The following NOC3L variants were observed in gnomAD, a reference collection of about 807,000 sequenced individuals.
NOC3L encodes nucleolar complex protein 3 homolog.
A neutral mutation model predicts 102.5 loss-of-function variants in NOC3L; 85 were observed. That is an observed-to-expected ratio of 0.83 (90% CI 0.70 to 0.99). The LOEUF (loss-of-function observed/expected upper bound fraction) is 0.99, where lower values mean the gene tolerates loss of function less well. Among genes scored for constraint, NOC3L ranks in the 50% least tolerant of loss-of-function variants. The pLI is 0.00. For synonymous variants in NOC3L, 303 were observed against 309.4 expected, an observed-to-expected ratio of 0.98 and a Z score of 0.22; for missense variants, 878 against 914.9, an observed-to-expected ratio of 0.96 and a Z score of 0.52.
chr10:94,337,689 G>T, intron 19 of NOC3L, 88 bp downstream of exon 19: 1 of 823,234 alleles, frequency 1.2e-6, no homozygotes, highest in Non-Finnish European at 2.0e-6. Flanking sequence ...ACATTTTGTA[G>T]TATGTTACTT....
At chr10:94,342,152 A>T (rs1284806853) in intron 13 of NOC3L, among the ~76,000 whole-genome samples, 1 of 152,206 alleles carries the variant, frequency 6.6e-6, no homozygotes, top group Non-Finnish European at 1.5e-5. Context: ...AGCTTTAAGG[A>T]TAAAATGGAA....
Position 94,362,855 on chromosome 10 carries a change from A to C in NOC3L, c.-17T>G, listed in dbSNP as rs1289336799. 1 of 1,614,010 alleles carries C rather than the reference A, an allele frequency of 6.2e-7. No homozygotes were observed. Among genetic ancestry groups the C allele is most frequent in the Non-Finnish European group, 8.5e-7 (1 of 1,180,036 alleles). On this transcript the variant is annotated 5_prime_UTR_variant, in exon 1 of 21. The change creates a new upstream start codon in the 5' untranslated region. Transcript: ENST00000371361. ...CGCCTTCATCCTTAGGCCTTAAATG[A>C]ATGCCGGCCAGACAAGTTCACCAGA...
intron 8 of NOC3L, among the ~76,000 whole-genome samples, chr10:94,351,793 A>C (rs2054422250): frequency 1.3e-5 from 2 of 151,486 alleles, no homozygotes; most frequent in African/African-American, 4.9e-5. Context: ...CTCCAAAAGC[A>C]CTGGGGTTAC....
At chr10:94,348,105 A>G (rs2054367445) in intron 10 of NOC3L, among the ~76,000 whole-genome samples, 1 of 150,138 alleles carries the variant, frequency 6.7e-6, no homozygotes, top group Non-Finnish European at 1.5e-5. Context: ...TGGCTGTCAG[A>G]TTATATCAAA....
chr10:94,328,348 G>C (rs1013618747), downstream of NOC3L: 2 of 157,426 alleles, frequency 1.3e-5, no homozygotes, highest in African/African-American at 2.4e-5. Context: ...ATACATGAAC[G>C]AACGTGGCTG....
chr10:94,352,361 G>A lies in NOC3L; in HGVS notation c.901C>T (p.Leu301=). 1 of 1,613,754 alleles carries A rather than the reference G, an allele frequency of 6.2e-7. No individual in the cohort carries two copies. Among genetic ancestry groups the A allele is most frequent in the South Asian group, 1.1e-5 (1 of 91,034 alleles). ...TQKLREFEEG[L]VSQYKFYLEN... is the part of the protein sequence containing the mutation. ...AAATAAAACTTGTATTGGCTAACCA[G>A]GCCTTCTTCAAATTCTCTTAACTTC... The change falls in exon 8 of 21, where the codon CTG becomes TTG. Residue 301 remains leucine, a synonymous_variant. Coordinates refer to ENST00000371361, the MANE Select transcript of NOC3L (RefSeq NM_022451.11).
At chr10:94,358,273 A>C (rs1278850015) in intron 2 of NOC3L, 58 bp from the exon 3 acceptor site, 7 of 940,136 alleles carry the variant, frequency 7.4e-6, no homozygotes, top group Non-Finnish European at 1.0e-5. Context: ...AGAGATGTAG[A>C]ACTCTCTGCA....
At chr10:94,325,170 A>C in the NOC3L span, 48 of 1,103,210 alleles carry the variant, frequency 4.4e-5, no homozygotes, top group Non-Finnish European at 6.1e-5. Flanking sequence ...AGGAAGGCAT[A>C]ATTAGTACAA....
intron 2 of NOC3L, chr10:94,361,383 G>A (rs1228123308): frequency 1.5e-5 from 6 of 399,638 alleles, no homozygotes; most frequent in East Asian, 4.6e-5. Flanking sequence ...TTTATGTAAC[G>A]GAGTACTTTC....
chr10:94,353,252 T>C (rs554853992), intron 6 of NOC3L, among the ~76,000 whole-genome samples, 195 bp from the exon 7 acceptor site: 24 of 152,318 alleles, frequency 1.6e-4, no homozygotes, highest in Non-Finnish European at 2.8e-4. Context: ...ATTGTATTAG[T>C]CCGTTCTTGT....
chr10:94,315,490 A>G, the NOC3L span: 1 of 455,918 alleles, frequency 2.2e-6, no homozygotes, highest in Admixed American at 2.4e-5. Context: ...GAGAAAATAC[A>G]TTGGTAAAAC....
downstream of NOC3L, chr10:94,332,342 AT>A (rs2054169658): frequency 6.6e-6 from 1 of 152,196 alleles, no homozygotes; most frequent in African/African-American, 2.4e-5. Context: ...TATGTGGATG[AT>A]TTGACTCAGC....
At chr10:94,316,869 ATTC>A in the NOC3L span, 2 of 760,826 alleles carry the variant, frequency 2.6e-6, no homozygotes, top group South Asian at 1.5e-5. Flanking sequence ...CTTGGTTTAT[ATTC>A]TTCTTAAGTA....
chr10:94,329,835 G>T (rs1405705576), downstream of NOC3L: 3 of 122,224 alleles, frequency 2.5e-5, no homozygotes, highest in African/African-American at 6.1e-5. Flanking sequence ...TCATGTCATT[G>T]AAAGTTCTTA....
Position 94,344,466 on chromosome 10 carries a change from T to C in NOC3L, c.1520A>G (p.Lys507Arg). 6.2e-7 allele frequency: 1 copy of C among 1,613,920 alleles called. No individual in the cohort carries two copies. The highest frequency in any genetic ancestry group is 2.2e-5 in the East Asian group (1 of 44,878). The change falls in exon 13 of 21, where the codon AAG becomes AGG. Residue 507 changes from lysine to arginine, a missense_variant. Lys to Arg is a conservative substitution (Grantham distance 26, BLOSUM62 2). Coordinates refer to ENST00000371361, the MANE Select transcript of NOC3L (RefSeq NM_022451.11). Reference sequence around the variant, plus strand: ...CAGGAGAGGTGACCTCTGGGCCTTCTTCAATATTCTGAAGTAGGTTACAAA... The same window carrying C: ...CAGGAGAGGTGACCTCTGGGCCTTCCTCAATATTCTGAAGTAGGTTACAAA... ...IVFVTYFRILKKAQRSPLLPA... is the reference protein window; with the variant it reads ...IVFVTYFRILRKAQRSPLLPA...
In NOC3L at chr10:94,357,347, A is replaced by C; in HGVS notation, c.351-16T>G. On this transcript the variant is annotated splice_polypyrimidine_tract_variant and intron_variant, in intron 3 of 20. Transcript: ENST00000371361. ...AACAGGCTCACTGCAGGGGAAAAAA[A>C]GATCAATTTTCAGTCTTAATAGATC... The C allele has an allele frequency of 1.3e-6, 2 of 1,550,610 alleles. No homozygotes were observed. Among genetic ancestry groups the C allele is most frequent in the South Asian group, 2.5e-5 (2 of 79,374 alleles).
At chr10:94,357,618 C>T in intron 3 of NOC3L, 1 of 253,608 alleles carries the variant, frequency 3.9e-6, no homozygotes, top group East Asian at 7.8e-5. Context: ...AAGAACAGTT[C>T]ATAAAACCAA....
At position 94,339,938 on chromosome 10, in the gene NOC3L, T is replaced by G. The variant is rs766102746; in HGVS notation, c.1781-18A>C. 2.5e-6 allele frequency: 4 copies of G among 1,605,058 alleles called. No homozygotes were observed. Among genetic ancestry groups the G allele is most frequent in the Non-Finnish European group, 1.7e-6 (2 of 1,173,440 alleles). The stretch of plus-strand genomic sequence containing the variant: ...GGTAGCACCTAAAACAGCAGACATA[T>G]TCTTCAGAGCTGTTCTCATTACTTT... On this transcript the variant is annotated intron_variant, in intron 16 of 20. Coordinates refer to ENST00000371361, the MANE Select transcript of NOC3L (RefSeq NM_022451.11).
chr10:94,324,971 G>C, the NOC3L span: 2 of 1,614,108 alleles, frequency 1.2e-6, no homozygotes, highest in Non-Finnish European at 1.7e-6. Context: ...AAACAGCCCC[G>C]AGGACTTACA....
Sources: allele counts gnomAD v4.1 joint callset (sites outside exome capture counted in the v4.1 genomes callset), GRCh38; gene constraint gnomAD v4.1.1; transcripts MANE v1.5; gene names NCBI Gene and HGNC (gene_info 2026-07-23, HGNC 2026-07-21).